TGM7: variants seen among roughly 807,000 people sequenced by gnomAD.
TGM7 encodes protein-glutamine gamma-glutamyltransferase Z.
TGM7 carries 74 observed loss-of-function variants against 79.5 expected under a neutral mutation model. That is an observed-to-expected ratio of 0.93 (90% CI 0.77 to 1.13). The LOEUF is 1.13. TGM7 is among the 50% of genes most tolerant of loss of function. TGM7 has a pLI of 0.00. For synonymous variants in TGM7, 354 were observed against 362.5 expected, an observed-to-expected ratio of 0.98 and a Z score of 0.27; for missense variants, 912 against 905.9, an observed-to-expected ratio of 1.01 and a Z score of -0.09.
intron 1 of TGM7, among the ~76,000 whole-genome samples, chr15:43,297,637 A>AAAG (rs1566848011): frequency 9.4e-5 from 12 of 127,212 alleles, no homozygotes; most frequent in African/African-American, 2.5e-4. Context: ...AAGAAAGAAA[A>AAAG]AGAAAGAAAG....
intron 9 of TGM7, among the ~76,000 whole-genome samples, chr15:43,281,362 C>T (rs567510630): frequency 1.6e-4 from 25 of 152,346 alleles, no homozygotes; most frequent in African/African-American, 2.2e-4. Flanking sequence ...CTGACTCCAC[C>T]GCTCCCCTTG....
chr15:43,285,377 C>CA (rs917324140), intron 6 of TGM7, among the ~76,000 whole-genome samples: 102 of 151,682 alleles, frequency 6.7e-4, no homozygotes, highest in African/African-American at 1.9e-3. Flanking sequence ...ACTAAAAATA[C>CA]AAAAAAAAAT....
chr15:43,290,640 A>C (rs1173264530), intron 4 of TGM7, among the ~76,000 whole-genome samples: 1 of 152,206 alleles, frequency 6.6e-6, no homozygotes, highest in South Asian at 2.1e-4. Context: ...CATTGAATCT[A>C]TAAATTACCT....
intron 4 of TGM7, among the ~76,000 whole-genome samples, chr15:43,288,621 A>G (rs546722): frequency 0.46 from 70,174 of 151,970 alleles, 20,012 homozygotes; most frequent in African/African-American, 0.81. Context: ...TGGATTAAAT[A>G]ATATGGTATC....
At position 43,279,908 on chromosome 15, in the gene TGM7, T is replaced by G. The variant is rs1411266146; in HGVS notation, c.1395A>C (p.Lys465Asn). ...AAGAAGCTCTTTGGGGGCCCAGCATTTTCCGAGAAGCCTTCATGAAGACAG... is the reference window on the plus strand; with the variant it reads ...AAGAAGCTCTTTGGGGGCCCAGCATGTTCCGAGAAGCCTTCATGAAGACAG... ...ERAVFMKASR[K>N]MLGPQRASLP... The change falls in exon 10 of 13, where the codon AAA becomes AAC. Residue 465 changes from lysine to asparagine, a missense_variant. Physicochemically the swap from Lys to Asn is moderately conservative, Grantham distance 94 (BLOSUM62 0). Coordinates refer to ENST00000452443, the MANE Select transcript of TGM7 (RefSeq NM_052955.3). The G allele has an allele frequency of 1.2e-6, 2 of 1,614,140 alleles. No homozygotes were observed. The highest frequency in any genetic ancestry group is 4.5e-5 in the East Asian group (2 of 44,886).
intron 4 of TGM7, among the ~76,000 whole-genome samples, chr15:43,288,816 G>C (rs2042950038): frequency 6.6e-6 from 1 of 152,190 alleles, no homozygotes; most frequent in Admixed American, 6.5e-5. Context: ...TGTAGTCCTA[G>C]TTACTCAGGA....
At chr15:43,278,856 A>T (rs965469885) in intron 11 of TGM7, among the ~76,000 whole-genome samples, 1 of 152,178 alleles carries the variant, frequency 6.6e-6, no homozygotes, top group African/African-American at 2.4e-5. Flanking sequence ...TTGCAAAATG[A>T]TTTCCTTACT....
chr15:43,279,944 A>G lies in TGM7; in HGVS notation c.1359T>C (p.Pro453=), dbSNP rs750881445. 2 of 1,613,544 alleles carry G rather than the reference A, an allele frequency of 1.2e-6. No homozygotes were observed. Among genetic ancestry groups the G allele is most frequent in the Non-Finnish European group, 1.7e-6 (2 of 1,179,664 alleles). Reference sequence around the variant, plus strand: ...CCTTCATGAAGACAGCTCTCTCCTCAGGGGATCCTGCAGAAGGGAGAGGTA... The same window carrying G: ...CCTTCATGAAGACAGCTCTCTCCTCGGGGGATCCTGCAGAAGGGAGAGGTA... The part of the protein sequence containing the change: ...TSSYKYPEGS[P]EERAVFMKAS... Residue 453 remains proline (P), a synonymous_variant, in exon 10 of 13, where the codon CCT becomes CCC. Transcript: ENST00000452443.
In TGM7 at chr15:43,279,146, A is replaced by T; in HGVS notation, c.1810T>A (p.Cys604Ser). 3.7e-6 allele frequency: 6 copies of T among 1,614,080 alleles called. No individual in the cohort carries two copies. The highest frequency in any genetic ancestry group is 5.1e-6 in the Non-Finnish European group (6 of 1,180,000). Residue 604 changes from cysteine to serine, a missense_variant, in exon 11 of 13, where the codon TGT (cysteine) becomes AGT (serine). Cys to Ser is a moderately radical substitution (Grantham distance 112, BLOSUM62 -1). Coordinates refer to ENST00000452443, the MANE Select transcript of TGM7 (RefSeq NM_052955.3). ...GRSMLVLKDI[C>S]LEPPHLSIEV... ...ATAGACAAGTGGGGAGGCTCCAGACAGATATCTTTTAGGACCAGCATGGAC... is the reference window on the plus strand; with the variant it reads ...ATAGACAAGTGGGGAGGCTCCAGACTGATATCTTTTAGGACCAGCATGGAC...
chr15:43,276,298 T>C lies in TGM7; in HGVS notation c.*157A>G, dbSNP rs1219850479. The C allele has an allele frequency of 1.1e-6, 1 of 876,314 alleles. No individual in the cohort carries two copies. The highest frequency in any genetic ancestry group is 1.7e-6 in the Non-Finnish European group (1 of 579,188). 54.3% of individuals were successfully genotyped at this position (876,314 alleles called of 1,614,324 possible). On this transcript the variant is annotated 3_prime_UTR_variant, in exon 13 of 13. Coordinates refer to ENST00000452443, the MANE Select transcript of TGM7 (RefSeq NM_052955.3). Reference sequence around the variant, plus strand: ...CTGGTGATAAATAAAGACATCTTTATTGTCTCTTCCCAAAGCACACGGTGT... The same window carrying C: ...CTGGTGATAAATAAAGACATCTTTACTGTCTCTTCCCAAAGCACACGGTGT...
rs774833178 is a variant in TGM7, at chr15:43,291,963, T to C, written c.558+16A>G. On this transcript the variant is annotated intron_variant, in intron 4 of 12. Transcript: ENST00000452443. Reference sequence around the variant, plus strand: ...TAGGGAGCCCACCCCAGGCCCACATTGGGTAATAGTGTTACCTGCCCGTAG... The same window carrying C: ...TAGGGAGCCCACCCCAGGCCCACATCGGGTAATAGTGTTACCTGCCCGTAG... The C allele has an allele frequency of 1.4e-4, 231 of 1,598,380 alleles. No individual in the cohort carries two copies. Among genetic ancestry groups the C allele is most frequent in the Non-Finnish European group, 1.9e-4 (222 of 1,166,216 alleles).
At chr15:43,282,675 A>C in intron 7 of TGM7, 55 bp from the exon 8 acceptor site, 1 of 1,360,594 alleles carries the variant, frequency 7.3e-7, no homozygotes, top group East Asian at 2.5e-5. Flanking sequence ...TTTGCCAGGT[A>C]CCAGGCACTA....
At position 43,284,802 on chromosome 15, in the gene TGM7, A is replaced by T. The variant is rs748758754; in HGVS notation, c.1004+12T>A. ...GACAAAGCAGAGATCTGTTCAAGAC[A>T]GTGCCTCTCACCATATTTTGTCTCG... On this transcript the variant is annotated intron_variant, in intron 7 of 12. Transcript: ENST00000452443. The T allele has an allele frequency of 1.2e-6, 2 of 1,614,196 alleles. No homozygotes were observed. Among genetic ancestry groups the T allele is most frequent in the East Asian group, 4.5e-5 (2 of 44,880 alleles).
intron 1 of TGM7, among the ~76,000 whole-genome samples, chr15:43,301,251 G>A (rs2043023901): frequency 6.6e-6 from 1 of 151,886 alleles, no homozygotes; most frequent in South Asian, 2.1e-4. Flanking sequence ...CCAAAGTGCT[G>A]GGATTACAGG....
At chr15:43,284,132 G>A (rs1484799016) in intron 7 of TGM7, among the ~76,000 whole-genome samples, 1 of 152,166 alleles carries the variant, frequency 6.6e-6, no homozygotes, top group Non-Finnish European at 1.5e-5. Context: ...CTGGGAGGTG[G>A]AGATTGCAGT....
intron 2 of TGM7, 109 bp from the exon 3 acceptor site, chr15:43,293,063 T>C (rs1046411054): frequency 3.0e-5 from 44 of 1,487,952 alleles, no homozygotes; most frequent in Non-Finnish European, 3.8e-5. Flanking sequence ...GCTAATGCTT[T>C]TGGCTTTTAC....
chr15:43,284,771 C>A (rs1386546098), intron 7 of TGM7, 43 bp downstream of exon 7: 1 of 1,606,548 alleles, frequency 6.2e-7, no homozygotes, highest in Non-Finnish European at 8.5e-7. Flanking sequence ...TTTCTGCCCT[C>A]CCTGGGACAA....
rs372791610 is a variant in TGM7 at position 43,292,089 on chromosome 15, C to T, written c.448G>A (p.Val150Ile). The T allele has an allele frequency of 3.5e-5, 56 of 1,613,366 alleles. No homozygotes were observed. In the African/African-American group the frequency reaches 5.7e-4, roughly 17 times the overall value. The change falls in exon 4 of 13, where the codon GTC becomes ATC. Residue 150 changes from valine to isoleucine, a missense_variant. By Grantham distance (29) the Val-to-Ile change is conservative. Coordinates refer to ENST00000452443, the MANE Select transcript of TGM7 (RefSeq NM_052955.3). ...AGCAGTATTTCACTTGGCAGGTAGA[C>T]GTCGTCCTCTGAGCAGTTAAGAGTA... ...LFNPWSPEDD[V>I]YLPSEILLQE...
chr15:43,282,027 C>T lies in TGM7; in HGVS notation c.1168G>A (p.Ala390Thr), dbSNP rs1211353292. The change falls in exon 9 of 13, where the codon GCC becomes ACC. Residue 390 changes from alanine to threonine, a missense_variant. Physicochemically the swap from Ala to Thr is moderately conservative, Grantham distance 58. Coordinates refer to ENST00000452443, the MANE Select transcript of TGM7 (RefSeq NM_052955.3). The stretch of plus-strand genomic sequence containing the variant: ...GCATACACAAAAGGGGTGTCATAGG[C>T]CAGGTGGACATCCCCTTCCCTGATG... ...KAIREGDVHL[A>T]YDTPFVYAEV... 1.2e-6 allele frequency: 2 copies of T among 1,614,128 alleles called. No individual in the cohort carries two copies. The highest frequency in any genetic ancestry group is 2.2e-5 in the East Asian group (1 of 44,878).
Sources: allele counts gnomAD v4.1 joint callset (sites outside exome capture counted in the v4.1 genomes callset), GRCh38; gene constraint gnomAD v4.1.1; transcripts MANE v1.5; gene names NCBI Gene and HGNC (gene_info 2026-07-23, HGNC 2026-07-21).